PIAS4: variants seen among roughly 807,000 people sequenced by gnomAD.
PIAS4 encodes the protein protein inhibitor of activated STAT 4.
Under a neutral mutation model 58.0 loss-of-function variants are expected in PIAS4, and 7 were observed. That is an observed-to-expected ratio of 0.12 (90% confidence interval 0.07 to 0.23). The LOEUF is 0.23. PIAS4 is among the 10% of genes least tolerant of loss of function. The probability of loss-of-function intolerance (pLI) is 1.00; values close to 1 mark genes in which losing one functional copy is unlikely to be tolerated. For synonymous variants in PIAS4, 364 were observed against 312.4 expected, an observed-to-expected ratio of 1.17 and a Z score of -1.74; for missense variants, 550 against 709.5, an observed-to-expected ratio of 0.78 and a Z score of 2.55.
chr19:4,038,047 G>C lies in PIAS4; in HGVS notation c.*172G>C, dbSNP rs529820649. 1.9e-5 allele frequency: 10 copies of C among 513,166 alleles called. No homozygotes were observed. The Admixed American group carries it at 3.3e-4, about 17-fold the overall frequency. 31.8% of individuals were successfully genotyped at this position (513,166 alleles called of 1,614,324 possible). A position where few individuals can be genotyped will look rare whatever the true frequency, so the allele number is the denominator to read the frequency against. On this transcript the variant is annotated 3_prime_UTR_variant, in exon 11 of 11. Coordinates refer to ENST00000262971, the MANE Select transcript of PIAS4 (RefSeq NM_015897.4). The surrounding 1 kb of genome is among the most constrained non-coding windows in gnomAD (Gnocchi z 4.1). ...GTACCTCTGGACTCTCCTATCGGGG[G>C]ATTAAAAAAAAAAGTAAAATGACAA... is the stretch of plus-strand genomic sequence containing the variant.
At chr19:4,016,662 G>C (rs2040055952) in intron 2 of PIAS4, among the ~76,000 whole-genome samples, 1 of 152,316 alleles carries the variant, frequency 6.6e-6, no homozygotes, top group Admixed American at 6.5e-5. Context: ...GGAGGCAGCA[G>C]CGTTTCAGTC....
intron 2 of PIAS4, among the ~76,000 whole-genome samples, chr19:4,020,116 C>T (rs573862497): frequency 1.3e-5 from 2 of 152,110 alleles, no homozygotes; most frequent in Non-Finnish European, 2.9e-5. Context: ...CGGGGTTTCA[C>T]CATGTTAGCC....
rs942620401 is a variant in PIAS4, at chr19:4,033,250, C to T, written c.981+77C>T. On this transcript the variant is annotated intron_variant, in intron 8 of 10. Coordinates refer to ENST00000262971, the MANE Select transcript of PIAS4 (RefSeq NM_015897.4). ...CCCCCTGGCGGCCCTGGGCCCGGGG[C>T]GGCTTGGCTGGGCCGTGAGCCTGCG... 64 of 1,467,254 alleles carry T rather than the reference C, an allele frequency of 4.4e-5. No individual in the cohort carries two copies. In the African/African-American group the frequency reaches 6.0e-4, roughly 14 times the overall value. The allele number at this position is 1,467,254 out of a possible 1,614,324, so 90.9% of individuals were successfully genotyped here. A position where few individuals can be genotyped will look rare whatever the true frequency, so the allele number is the denominator to read the frequency against.
chr19:4,012,170 G>C (rs1363197345), intron 1 of PIAS4, among the ~76,000 whole-genome samples: 1 of 151,860 alleles, frequency 6.6e-6, no homozygotes, highest in Non-Finnish European at 1.5e-5. Context: ...ACCCTGCCTG[G>C]GATGATCAGC....
chr19:4,023,056 A>G (rs537025974), intron 2 of PIAS4, among the ~76,000 whole-genome samples: 260 of 151,046 alleles, frequency 1.7e-3, no homozygotes, highest in Non-Finnish European at 2.9e-3. Context: ...CTGTAATCCC[A>G]GCTGTTTTGG....
chr19:4,011,459 G>C (rs118188708), intron 1 of PIAS4, among the ~76,000 whole-genome samples: 4,635 of 152,348 alleles, frequency 0.03, 108 homozygotes, highest in South Asian at 0.097. Context: ...CAAACACCAG[G>C]GTCAGCTGGG....
chr19:4,022,632 C>T (rs2040121608), intron 2 of PIAS4, among the ~76,000 whole-genome samples: 1 of 151,878 alleles, frequency 6.6e-6, no homozygotes, highest in African/African-American at 2.4e-5. Context: ...TCCCAAAATG[C>T]TGGGATTACA....
At chr19:4,030,410 G>T (rs561331036) in intron 7 of PIAS4, among the ~76,000 whole-genome samples, 3 of 151,964 alleles carry the variant, frequency 2.0e-5, no homozygotes, top group Non-Finnish European at 2.9e-5. Flanking sequence ...ATGGGGTCAG[G>T]AGAGCAACAC....
In PIAS4 at chr19:4,038,089, G is replaced by A. The variant is rs1599237516; in HGVS notation, c.*214G>A. 7.3e-6 allele frequency: 4 copies of A among 550,750 alleles called. No individual in the cohort carries two copies. In the East Asian group the frequency reaches 1.3e-4, roughly 18 times the overall value. 34.1% of individuals were successfully genotyped at this position (550,750 alleles called of 1,614,324 possible). ...AAATGACAAAAAAAGATACAAAAAAGAAAAATGAAACAAAAAAGTCAAACT... is the reference window on the plus strand; with the variant it reads ...AAATGACAAAAAAAGATACAAAAAAAAAAAATGAAACAAAAAAGTCAAACT... On this transcript the variant is annotated 3_prime_UTR_variant, in exon 11 of 11. Transcript: ENST00000262971. The surrounding 1 kb of genome is among the most constrained non-coding windows in gnomAD (Gnocchi z 4.1).
At position 4,029,030 on chromosome 19, in the gene PIAS4, G is replaced by A; in HGVS notation, c.901G>A (p.Ala301Thr). 1 of 1,600,970 alleles carries A rather than the reference G, an allele frequency of 6.2e-7. No individual in the cohort carries two copies. Among genetic ancestry groups the A allele is most frequent in the South Asian group, 1.1e-5 (1 of 89,388 alleles). The change falls in exon 7 of 11, where the codon GCA (alanine) becomes ACA (threonine). Residue 301 changes from alanine (A) to threonine (T), a missense_variant. Around this residue, in one of 4 missense-constraint regions of PIAS4, gnomAD observed 225 missense variants for 345.8 expected, o/e 0.65. Transcript: ENST00000262971. ...IGVKHPELCK[A>T]LVKEKLRLDP... The stretch of plus-strand genomic sequence containing the variant: ...GGTAAAGCACCCGGAGCTGTGCAAG[G>A]CACTGGGTGAGCAGCTCAGGCCACC...
chr19:4,015,608 C>T (rs1261817878), intron 2 of PIAS4, among the ~76,000 whole-genome samples: 1 of 152,194 alleles, frequency 6.6e-6, no homozygotes, highest in African/African-American at 2.4e-5. Flanking sequence ...GGCCCCGAAG[C>T]AGTGGTCCCC....
chr19:4,011,606 C>T (rs1348531833), intron 1 of PIAS4, among the ~76,000 whole-genome samples: 1 of 152,132 alleles, frequency 6.6e-6, no homozygotes, highest in Non-Finnish European at 1.5e-5. Context: ...TGGACCGGTC[C>T]CCCAGGGACT....
At chr19:4,010,344 G>C (rs3760901) in intron 1 of PIAS4, among the ~76,000 whole-genome samples, 1 of 152,222 alleles carries the variant, frequency 6.6e-6, no homozygotes, top group Non-Finnish European at 1.5e-5. Context: ...AGGGGCTCCC[G>C]GGGTGCGAGG....
chr19:4,034,063 G>T (rs2040251587), intron 9 of PIAS4, among the ~76,000 whole-genome samples: 1 of 152,208 alleles, frequency 6.6e-6, no homozygotes, highest in Non-Finnish European at 1.5e-5. Flanking sequence ...CAGGCCACAG[G>T]GGACAGGAGG....
At chr19:4,021,825 A>C (rs574338400) in intron 2 of PIAS4, among the ~76,000 whole-genome samples, 4 of 139,570 alleles carry the variant, frequency 2.9e-5, no homozygotes, top group Non-Finnish European at 6.0e-5. Flanking sequence ...GGCTCACTGC[A>C]GCCTCCACTT....
intron 3 of PIAS4, among the ~76,000 whole-genome samples, chr19:4,026,135 CTTTTTCTTTTTT>C (rs1052266934): frequency 3.7e-5 from 5 of 135,200 alleles, no homozygotes; most frequent in Non-Finnish European, 7.8e-5. Flanking sequence ...ATTTCTTTTT[CTTTTTCTTTTTT>C]TTTTTTGAAA....
intron 1 of PIAS4, among the ~76,000 whole-genome samples, chr19:4,011,458 G>C (rs1279471028): frequency 1.3e-5 from 2 of 152,272 alleles, no homozygotes; most frequent in African/African-American, 4.8e-5. Flanking sequence ...TCAAACACCA[G>C]GGTCAGCTGG....
At chr19:4,033,857 C>G (rs992927436) in intron 9 of PIAS4, among the ~76,000 whole-genome samples, 2 of 152,224 alleles carry the variant, frequency 1.3e-5, no homozygotes, top group Non-Finnish European at 2.9e-5. Flanking sequence ...GCAAGTGTGA[C>G]CCTGAGCTCC....
chr19:4,020,540 G>A (rs1489386035), intron 2 of PIAS4, among the ~76,000 whole-genome samples: 1 of 152,226 alleles, frequency 6.6e-6, no homozygotes, highest in Admixed American at 6.5e-5. Context: ...TAAACAAATA[G>A]GTGTTTACTC....
Sources: allele counts gnomAD v4.1 joint callset (sites outside exome capture counted in the v4.1 genomes callset), GRCh38; gene constraint gnomAD v4.1.1; regional missense constraint gnomAD v4.1.1; non-coding constraint Gnocchi (gnomAD v3.1); transcripts MANE v1.5; gene names NCBI Gene and HGNC (gene_info 2026-07-23, HGNC 2026-07-21).